TMEM178A: variants seen among roughly 807,000 people sequenced by gnomAD.
The protein encoded by TMEM178A is transmembrane protein 178.
In TMEM178A, 12 loss-of-function variants were observed where a neutral mutation model predicts 29.1. The ratio of observed to expected loss-of-function variants is 0.41; its 90% CI spans 0.26 to 0.67. The LOEUF is 0.67. Among genes scored for constraint, TMEM178A ranks in the 30% least tolerant of loss-of-function variants. The pLI is 0.29. For synonymous variants in TMEM178A, 210 were observed against 187.2 expected, an observed-to-expected ratio of 1.12 and a Z score of -0.99; for missense variants, 366 against 419.1, an observed-to-expected ratio of 0.87 and a Z score of 1.11.
the TMEM178A span, chr2:39,735,933 C>G: frequency 1.3e-5 from 2 of 152,198 alleles, no homozygotes; most frequent in African/African-American, 4.8e-5. Context: ...ATGACTTCTG[C>G]TTTGGGGAGC....
chr2:39,669,210 A>G (rs1558439961), intron 1 of TMEM178A, among the ~76,000 whole-genome samples: 1 of 152,186 alleles, frequency 6.6e-6, no homozygotes, highest in Admixed American at 6.5e-5. Context: ...AGAGGCAAAG[A>G]TGTCAGCATT....
intron 1 of TMEM178A, among the ~76,000 whole-genome samples, chr2:39,702,933 T>G (rs1044452665): frequency 6.6e-6 from 1 of 152,186 alleles, no homozygotes; most frequent in African/African-American, 2.4e-5. Flanking sequence ...TAGGTGATTC[T>G]GATGTACACT....
Position 39,666,368 on chromosome 2 carries a change from C to A in TMEM178A, c.394C>A (p.Leu132Met), listed in dbSNP as rs1670158766. Residue 132 changes from leucine (L) to methionine (M), a missense_variant, in exon 1 of 4, where the codon CTG (leucine) becomes ATG (methionine). By Grantham distance (15) the Leu-to-Met change is conservative. Transcript: ENST00000281961. ...GIDRDIDTLILKGIAQRCTAI... is the reference protein window; with the variant it reads ...GIDRDIDTLIMKGIAQRCTAI... Reference sequence around the variant, plus strand: ...CGACCGGGACATCGACACCCTCATCCTGAAAGGTGAGCGGCGGGCGCACCC... The same window carrying A: ...CGACCGGGACATCGACACCCTCATCATGAAAGGTGAGCGGCGGGCGCACCC... 1 of 1,399,836 alleles carries A rather than the reference C, an allele frequency of 7.1e-7. No individual in the cohort carries two copies. Among genetic ancestry groups the A allele is most frequent in the East Asian group, 3.2e-5 (1 of 31,018 alleles). The allele number at this position is 1,399,836 out of a possible 1,614,324, so 86.7% of individuals were successfully genotyped here.
chr2:39,682,040 A>G (rs894407838), intron 1 of TMEM178A, among the ~76,000 whole-genome samples: 55 of 152,174 alleles, frequency 3.6e-4, no homozygotes, highest in Admixed American at 3.6e-3. Flanking sequence ...TCAGTTTCTC[A>G]TTTTAAAAGT....
chr2:39,693,265 G>A (rs919899806), intron 1 of TMEM178A, among the ~76,000 whole-genome samples: 1 of 152,204 alleles, frequency 6.6e-6, no homozygotes, highest in Non-Finnish European at 1.5e-5. Context: ...AAAAACAATA[G>A]CATTAGACCC....
intron 1 of TMEM178A, among the ~76,000 whole-genome samples, chr2:39,687,707 A>C (rs1671142494): frequency 6.6e-6 from 1 of 152,220 alleles, no homozygotes; most frequent in Admixed American, 6.5e-5. Context: ...GGCAGCATCA[A>C]GGTATCAGTG....
chr2:39,708,312 C>T (rs1418784565), intron 3 of TMEM178A, among the ~76,000 whole-genome samples: 1 of 149,830 alleles, frequency 6.7e-6, no homozygotes, highest in African/African-American at 2.5e-5. Flanking sequence ...GGGCAGTGGC[C>T]AAAGCGTCAG....
At chr2:39,684,233 C>G (rs1670980451) in intron 1 of TMEM178A, among the ~76,000 whole-genome samples, 1 of 152,076 alleles carries the variant, frequency 6.6e-6, no homozygotes. Flanking sequence ...TAAATTATTG[C>G]TATCAGTTTG....
At chr2:39,735,714 G>A in the TMEM178A span, among the ~76,000 whole-genome samples, 1 of 152,236 alleles carries the variant, frequency 6.6e-6, no homozygotes, top group African/African-American at 2.4e-5. Flanking sequence ...TTCAAGATTA[G>A]TAGGTGGCTC....
In TMEM178A at chr2:39,666,102, G is replaced by T; in HGVS notation, c.128G>T (p.Cys43Phe). Residue 43 changes from cysteine (C) to phenylalanine (F), a missense_variant, in exon 1 of 4, where the codon TGC becomes TTC. Cys to Phe is a radical substitution (Grantham distance 205). Around this residue, in one of 2 missense-constraint regions of TMEM178A, gnomAD observed 247 missense variants for 246.8 expected, o/e 1.00. Coordinates refer to ENST00000281961, the MANE Select transcript of TMEM178A (RefSeq NM_152390.3). ...ETDPRRHKES[C>F]ERSRAGADPP... ...GACCCCCGGCGCCACAAGGAGAGCTGCGAGCGCAGCCGCGCGGGCGCCGAC... is the reference window on the plus strand; with the variant it reads ...GACCCCCGGCGCCACAAGGAGAGCTTCGAGCGCAGCCGCGCGGGCGCCGAC... The T allele has an allele frequency of 6.4e-7, 1 of 1,563,626 alleles. No individual in the cohort carries two copies.
chr2:39,684,197 G>A (rs891902697), intron 1 of TMEM178A, among the ~76,000 whole-genome samples: 4 of 152,092 alleles, frequency 2.6e-5, no homozygotes, highest in East Asian at 1.9e-4. Flanking sequence ...ATTTAGGGTT[G>A]CTAAATATCA....
the TMEM178A span, among the ~76,000 whole-genome samples, chr2:39,729,988 C>CA: frequency 1.3e-5 from 2 of 152,036 alleles, no homozygotes; most frequent in Non-Finnish European, 2.9e-5. Flanking sequence ...AAATTATCTC[C>CA]AAAAAAACCT....
Position 39,680,295 on chromosome 2 carries a change from A to T in TMEM178A, c.400+13921A>T, listed in dbSNP as rs75740222. ...CTCAGCAAAGTGTCAGGATGGGAAAAGGTCAGTTCTCTCTAGAAGTGGGTA... is the reference window on the plus strand; with the variant it reads ...CTCAGCAAAGTGTCAGGATGGGAAATGGTCAGTTCTCTCTAGAAGTGGGTA... On this transcript the variant is annotated intron_variant, in intron 1 of 3. Transcript: ENST00000281961. Among the ~76,000 whole-genome samples the T allele has an allele frequency of 8.3e-3, 1,258 of 152,328 alleles. 23 individuals are homozygous for T. Among genetic ancestry groups the T allele is most frequent in the African/African-American group, 0.029 (1,196 of 41,578 alleles).
intron 1 of TMEM178A, among the ~76,000 whole-genome samples, chr2:39,703,074 C>A (rs1337032365): frequency 1.1e-4 from 17 of 152,102 alleles, no homozygotes; most frequent in Admixed American, 1.1e-3. Flanking sequence ...AAAATTTCAC[C>A]TTTATATGCA....
chr2:39,714,127 T>C (rs945340235), intron 3 of TMEM178A, among the ~76,000 whole-genome samples: 3 of 152,194 alleles, frequency 2.0e-5, no homozygotes, highest in Non-Finnish European at 1.5e-5. Context: ...TGTCATTCTT[T>C]CCTGCCCTGC....
chr2:39,683,379 G>T (rs1022951885), intron 1 of TMEM178A, among the ~76,000 whole-genome samples: 1 of 152,134 alleles, frequency 6.6e-6, no homozygotes, highest in Non-Finnish European at 1.5e-5. Flanking sequence ...AGTTTTAAAA[G>T]AAATAAATAA....
the TMEM178A span, among the ~76,000 whole-genome samples, chr2:39,725,653 T>A: frequency 6.6e-6 from 1 of 152,164 alleles, no homozygotes; most frequent in Non-Finnish European, 1.5e-5. Context: ...AGTAAATGTG[T>A]GTTGAAGGAA....
chr2:39,733,341 T>C, the TMEM178A span, among the ~76,000 whole-genome samples: 5 of 152,232 alleles, frequency 3.3e-5, no homozygotes, highest in African/African-American at 1.2e-4. Flanking sequence ...TTTTTCTTTT[T>C]AGCATATTAA....
Position 39,717,222 on chromosome 2 carries a change from C to A in TMEM178A, c.865C>A (p.Leu289Ile), listed in dbSNP as rs1317554129. ...PFISRTKIAQ[L>I]KSGRDSTV Reference sequence around the variant, plus strand: ...TATTAGCCGGACCAAGATTGCACAGCTAAAGTCTGGCAGAGACTCCACGGT... The same window carrying A: ...TATTAGCCGGACCAAGATTGCACAGATAAAGTCTGGCAGAGACTCCACGGT... The change falls in exon 4 of 4, where the codon CTA (leucine) becomes ATA (isoleucine). Residue 289 changes from leucine (L) to isoleucine (I), a missense_variant. Leu to Ile is a conservative substitution (Grantham distance 5, BLOSUM62 2). This residue lies in a region of TMEM178A where 119 missense variants were observed against 172.2 expected (regional missense o/e 0.69). Transcript: ENST00000281961. 1 of 1,613,512 alleles carries A rather than the reference C, an allele frequency of 6.2e-7. No homozygotes were observed. The highest frequency in any genetic ancestry group is 1.3e-5 in the African/African-American group (1 of 74,676).
Sources: allele counts gnomAD v4.1 joint callset (sites outside exome capture counted in the v4.1 genomes callset), GRCh38; gene constraint gnomAD v4.1.1; regional missense constraint gnomAD v4.1.1; transcripts MANE v1.5; gene names NCBI Gene and HGNC (gene_info 2026-07-23, HGNC 2026-07-21).